LPAR1: variants seen among roughly 807,000 people sequenced by gnomAD.
LPAR1 encodes the protein lysophosphatidic acid receptor 1, also known as LPA receptor 1.
A neutral mutation model predicts 23.8 loss-of-function variants in LPAR1; 5 were observed. The observed-to-expected ratio is 0.21, with a 90% CI of 0.11 to 0.44. The LOEUF (loss-of-function observed/expected upper bound fraction) is 0.44, where lower values mean the gene tolerates loss of function less well. LPAR1 is among the 20% of genes least tolerant of loss of function. The probability of loss-of-function intolerance (pLI) is 0.99; values close to 1 mark genes in which losing one functional copy is unlikely to be tolerated. For synonymous variants in LPAR1, 160 were observed against 164.7 expected (o/e 0.97, Z 0.22); for missense variants, 311 against 482.8 (o/e 0.64, Z 3.33).
At chr9:111,011,096 A>G (rs1027846833) in intron 2 of LPAR1, among the ~76,000 whole-genome samples, 3 of 152,214 alleles carry the variant, frequency 2.0e-5, no homozygotes, top group Non-Finnish European at 4.4e-5. Flanking sequence ...AAGGCAATCC[A>G]AACTATCCTG....
At position 110,955,429 on chromosome 9, in the gene LPAR1, T is replaced by C. The variant is rs757501722; in HGVS notation, c.46-13261A>G. Among the ~76,000 whole-genome samples the C allele has an allele frequency of 1.4e-4, 22 of 152,076 alleles. 1 individual carries two copies. Among genetic ancestry groups the C allele is most frequent in the Non-Finnish European group, 2.9e-5 (2 of 68,004 alleles). On this transcript the variant is annotated intron_variant, in intron 4 of 5. Transcript: ENST00000683809. ...CCAAACACAGAAACAACTAGATGTA[T>C]AATATTATTAGACCTAAAGGAAGAG...
At chr9:111,031,806 A>G (rs963019162) in intron 2 of LPAR1, among the ~76,000 whole-genome samples, 3 of 152,230 alleles carry the variant, frequency 2.0e-5, no homozygotes, top group Non-Finnish European at 4.4e-5. Context: ...AAATATTTCA[A>G]GCATATAAAA....
chr9:110,889,697 A>G (rs1004928729), intron 5 of LPAR1, among the ~76,000 whole-genome samples: 3 of 152,232 alleles, frequency 2.0e-5, no homozygotes, highest in African/African-American at 7.2e-5. Flanking sequence ...TGGAAATTCA[A>G]AGCAGCTTTA....
rs1467380842 is a variant in LPAR1, at chr9:110,941,902, A to G, written c.312T>C (p.Tyr104=). 2 of 1,614,210 alleles carry G rather than the reference A, an allele frequency of 1.2e-6. No individual in the cohort carries two copies. The highest frequency in any genetic ancestry group is 1.1e-5 in the South Asian group (1 of 91,086). The change falls in exon 5 of 6, where the codon TAT becomes TAC. Residue 104 remains tyrosine (Y), a synonymous_variant. Transcript: ENST00000683809. This position sits in a 1 kb window ranked among gnomAD's most constrained non-coding sequence, Gnocchi z 6.1. ...TATTGGGTCCTGTGTTGAACATGAG[A>G]TAGAAGTAGGCCAACCCAGCAAAGA... ...ADFFAGLAYF[Y]LMFNTGPNTR... is the part of the protein sequence containing the mutation.
intron 2 of LPAR1, among the ~76,000 whole-genome samples, chr9:110,984,771 CAA>C (rs749821454): frequency 1.1e-5 from 1 of 92,116 alleles, no homozygotes. Context: ...GTAACGGTGA[CAA>C]AAAAAAAAGA....
At chr9:110,882,603 C>G (rs1230717272) in intron 5 of LPAR1, among the ~76,000 whole-genome samples, 1 of 152,018 alleles carries the variant, frequency 6.6e-6, no homozygotes, top group Admixed American at 6.6e-5. Context: ...TATTACCTGG[C>G]CAAATTATTT....
At chr9:110,990,945 G>A (rs1173215693) in intron 2 of LPAR1, among the ~76,000 whole-genome samples, 3 of 152,094 alleles carry the variant, frequency 2.0e-5, no homozygotes, top group African/African-American at 7.2e-5. Flanking sequence ...AGACAGTGTA[G>A]TATAGCATTT....
chr9:110,899,217 TA>T (rs1564405438), intron 5 of LPAR1, among the ~76,000 whole-genome samples: 5 of 152,232 alleles, frequency 3.3e-5, no homozygotes, highest in Non-Finnish European at 1.5e-5. Context: ...TTCAATTTAC[TA>T]TGAAATTTCT....
intron 5 of LPAR1, among the ~76,000 whole-genome samples, chr9:110,876,485 T>C (rs544968898): frequency 1.1e-4 from 17 of 152,228 alleles, no homozygotes; most frequent in Admixed American, 7.2e-4. Flanking sequence ...AGTAGCCATA[T>C]GACATAGAAA....
At chr9:110,921,345 A>C (rs2093620088) in intron 5 of LPAR1, among the ~76,000 whole-genome samples, 1 of 152,218 alleles carries the variant, frequency 6.6e-6, no homozygotes. Flanking sequence ...TGAACTGACA[A>C]ACTAAACTTT....
intron 5 of LPAR1, among the ~76,000 whole-genome samples, chr9:110,900,658 C>T (rs965834746): frequency 6.6e-6 from 1 of 152,154 alleles, no homozygotes; most frequent in Non-Finnish European, 1.5e-5. Context: ...GACCCTGTTG[C>T]TATCACTAGT....
intron 4 of LPAR1, among the ~76,000 whole-genome samples, chr9:110,946,764 T>C (rs1296222799): frequency 9.2e-5 from 14 of 152,140 alleles, no homozygotes. Flanking sequence ...TTGTTCTTCA[T>C]AGGGTTATAA....
chr9:110,971,204 T>C (rs2138176507), intron 4 of LPAR1, among the ~76,000 whole-genome samples: 1 of 152,156 alleles, frequency 6.6e-6, no homozygotes, highest in Admixed American at 6.5e-5. Flanking sequence ...GAGGTCACAC[T>C]ATAGAAAGAA....
chr9:110,959,476 G>A (rs746601201), intron 4 of LPAR1, among the ~76,000 whole-genome samples: 1 of 152,020 alleles, frequency 6.6e-6, no homozygotes, highest in Non-Finnish European at 1.5e-5. Context: ...AAATTAGCCA[G>A]GCATGGTGGT....
rs960233960 is a variant in LPAR1, at chr9:110,874,381, C to G, written c.*1040G>C. ...AAAGATCTACTTATAAAACTGTTTA[C>G]AGTATGACTCCAATTATGTAAAAAA... is the stretch of plus-strand genomic sequence containing the variant. On this transcript the variant is annotated 3_prime_UTR_variant, in exon 6 of 6. Transcript: ENST00000683809. The G allele has an allele frequency of 6.6e-6, 1 of 152,554 alleles. No homozygotes were observed. Among genetic ancestry groups the G allele is most frequent in the Admixed American group, 6.6e-5 (1 of 15,256 alleles). The allele number at this position is 152,554 out of a possible 1,614,324, so 9.5% of individuals were successfully genotyped here.
intron 5 of LPAR1, among the ~76,000 whole-genome samples, chr9:110,904,607 C>T: frequency 6.6e-6 from 1 of 152,120 alleles, no homozygotes; most frequent in Non-Finnish European, 1.5e-5. Flanking sequence ...ATGGCAAAGT[C>T]CTAGACTAGG....
intron 5 of LPAR1, among the ~76,000 whole-genome samples, chr9:110,917,174 C>A (rs1178847057): frequency 2.4e-5 from 3 of 126,158 alleles, no homozygotes; most frequent in African/African-American, 6.5e-5. Context: ...CTCGTCTCTA[C>A]TAAAAATACA....
intron 4 of LPAR1, among the ~76,000 whole-genome samples, chr9:110,971,741 C>CA (rs747780848): frequency 1.2e-4 from 16 of 129,634 alleles, no homozygotes; most frequent in Non-Finnish European, 2.3e-4. Context: ...CCCCGGCCCA[C>CA]AAAAAAGCCA....
chr9:111,037,707 G>C (rs1472049702), intron 1 of LPAR1: 2 of 152,222 alleles, frequency 1.3e-5, no homozygotes, highest in Non-Finnish European at 2.9e-5. Context: ...GGACCCCTCG[G>C]AGGTGCAAGT....
Sources: allele counts gnomAD v4.1 joint callset (sites outside exome capture counted in the v4.1 genomes callset), GRCh38; gene constraint gnomAD v4.1.1; non-coding constraint Gnocchi (gnomAD v3.1); transcripts MANE v1.5; gene names NCBI Gene and HGNC (gene_info 2026-07-23, HGNC 2026-07-21).